The following ELOVL7 variants were observed in gnomAD, a reference collection of about 807,000 sequenced individuals.
ELOVL7 encodes very long chain fatty acid elongase 7.
In ELOVL7, 27 loss-of-function variants were observed where a neutral mutation model predicts 35.7. That is an observed-to-expected ratio of 0.76 (90% CI 0.56 to 1.04). The LOEUF (loss-of-function observed/expected upper bound fraction) is 1.04. ELOVL7 is among the 50% of genes least tolerant of loss of function. The pLI is 0.00. For synonymous variants in ELOVL7, 113 were observed against 114.6 expected (o/e 0.99, Z 0.09); for missense variants, 327 against 340.8 (o/e 0.96, Z 0.32).
chr5:60,755,866 T>C (rs1368833469), intron 8 of ELOVL7, among the ~76,000 whole-genome samples: 1 of 152,196 alleles, frequency 6.6e-6, no homozygotes, highest in Non-Finnish European at 1.5e-5. Flanking sequence ...GTGGAAATCT[T>C]AGAAAAGTAA....
chr5:60,824,479 CA>C (rs1323603483), intron 1 of ELOVL7, among the ~76,000 whole-genome samples: 2 of 151,834 alleles, frequency 1.3e-5, no homozygotes, highest in African/African-American at 2.4e-5. Flanking sequence ...GTGAGATGTT[CA>C]AAAAAGGAGA....
chr5:60,762,465 C>A (rs2112143376), intron 7 of ELOVL7, among the ~76,000 whole-genome samples: 1 of 152,096 alleles, frequency 6.6e-6, no homozygotes, highest in East Asian at 1.9e-4. Flanking sequence ...TTCTCCCATT[C>A]TTGAACTGTC....
At chr5:60,797,940 G>A (rs536624650) in intron 2 of ELOVL7, among the ~76,000 whole-genome samples, 34 of 152,212 alleles carry the variant, frequency 2.2e-4, no homozygotes, top group East Asian at 5.8e-4. Flanking sequence ...AAGGTTAATC[G>A]GAAACTCAAA....
chr5:60,806,116 C>A (rs898578412), intron 1 of ELOVL7, among the ~76,000 whole-genome samples: 9 of 152,236 alleles, frequency 5.9e-5, no homozygotes, highest in Middle Eastern at 3.4e-3. Flanking sequence ...TAGACACAGA[C>A]ATGCACACAG....
intron 6 of ELOVL7, among the ~76,000 whole-genome samples, chr5:60,766,336 C>T (rs1041911694): frequency 6.6e-6 from 1 of 152,160 alleles, no homozygotes; most frequent in East Asian, 1.9e-4. Flanking sequence ...AGCTATGTAA[C>T]AGAAACTTTA....
chr5:60,806,851 A>T (rs1194142896), intron 1 of ELOVL7, among the ~76,000 whole-genome samples: 2 of 152,228 alleles, frequency 1.3e-5, no homozygotes, highest in African/African-American at 4.8e-5. Flanking sequence ...GAGCTGCAGA[A>T]GGGAGCTTCT....
intron 1 of ELOVL7, among the ~76,000 whole-genome samples, chr5:60,837,715 G>T (rs1561478604): frequency 6.6e-6 from 1 of 152,120 alleles, no homozygotes. Flanking sequence ...GCCAAGGCAG[G>T]TGCATCACCT....
rs555276934 is a variant in ELOVL7, at chr5:60,781,929, C to T, written c.64+5405G>A. ...ACTATATGTAAAGAGCCTAAGTGCT[C>T]AATAAGCTTGCTACTGTTATTATAG... On this transcript the variant is annotated intron_variant, in intron 3 of 8. Transcript: ENST00000508821. Among the ~76,000 whole-genome samples, 16 of 152,278 alleles carry T rather than the reference C, an allele frequency of 1.1e-4. No individual in the cohort carries two copies. In the South Asian group the frequency reaches 3.1e-3, roughly 30 times the overall value.
chr5:60,795,001 G>T (rs1265589547), intron 2 of ELOVL7, among the ~76,000 whole-genome samples: 1 of 152,160 alleles, frequency 6.6e-6, no homozygotes, highest in Admixed American at 6.5e-5. Flanking sequence ...GGAGGAGAAG[G>T]GTACAGGGCA....
chr5:60,832,428 C>T (rs1039127510), intron 1 of ELOVL7, among the ~76,000 whole-genome samples: 6 of 151,814 alleles, frequency 4.0e-5, no homozygotes, highest in Non-Finnish European at 8.8e-5. Flanking sequence ...TGCAGTGGCA[C>T]CATCTTGGCT....
rs138612988 is a variant in ELOVL7 at position 60,770,794 on chromosome 5, C to T, written c.255+1109G>A. On this transcript the variant is annotated intron_variant, in intron 4 of 8. Coordinates refer to ENST00000508821, the MANE Select transcript of ELOVL7 (RefSeq NM_024930.3). The stretch of plus-strand genomic sequence containing the variant: ...CTCATTGCAGCCTTGACCTCCCAGG[C>T]TCAAGTGATCCTCTCACCTCAGCCT... Among the ~76,000 whole-genome samples, 35 of 152,310 alleles carry T rather than the reference C, an allele frequency of 2.3e-4. No homozygotes were observed. In the South Asian group the frequency reaches 4.4e-3, roughly 19 times the overall value.
At chr5:60,812,444 T>C (rs1491000603) in intron 1 of ELOVL7, among the ~76,000 whole-genome samples, 1 of 152,062 alleles carries the variant, frequency 6.6e-6, no homozygotes, top group African/African-American at 2.4e-5. Context: ...ATAACAATAG[T>C]GACAAGCCCT....
At chr5:60,770,824 A>C (rs888057880) in intron 4 of ELOVL7, among the ~76,000 whole-genome samples, 2 of 152,218 alleles carry the variant, frequency 1.3e-5, no homozygotes, top group East Asian at 3.9e-4. Flanking sequence ...CAGCCTCCCA[A>C]GCAGCTGGGA....
chr5:60,766,098 A>C (rs1257968154), intron 6 of ELOVL7, among the ~76,000 whole-genome samples: 1 of 152,214 alleles, frequency 6.6e-6, no homozygotes, highest in East Asian at 1.9e-4. Context: ...AAGCAGCTGA[A>C]TTACCGACAG....
chr5:60,842,858 A>T (rs2087412673), intron 1 of ELOVL7, among the ~76,000 whole-genome samples: 1 of 151,926 alleles, frequency 6.6e-6, no homozygotes, highest in African/African-American at 2.4e-5. Context: ...TTTACACAAG[A>T]ACTGACATCA....
chr5:60,828,034 A>T (rs903178921), intron 1 of ELOVL7, among the ~76,000 whole-genome samples: 7 of 152,038 alleles, frequency 4.6e-5, no homozygotes, highest in African/African-American at 1.5e-4. Flanking sequence ...CCTCTCCCCT[A>T]ACAGTGTGTC....
At chr5:60,831,635 A>G (rs1746484778) in intron 1 of ELOVL7, among the ~76,000 whole-genome samples, 1 of 152,228 alleles carries the variant, frequency 6.6e-6, no homozygotes, top group African/African-American at 2.4e-5. Context: ...TCAAGAACCA[A>G]TATTAATTTT....
chr5:60,825,786 T>C (rs1746135929), intron 1 of ELOVL7, among the ~76,000 whole-genome samples: 2 of 152,226 alleles, frequency 1.3e-5, no homozygotes, highest in South Asian at 2.1e-4. Flanking sequence ...GTATGGTTAA[T>C]AGTAACAGGA....
At chr5:60,820,484 G>A (rs2112351185) in intron 1 of ELOVL7, among the ~76,000 whole-genome samples, 1 of 152,332 alleles carries the variant, frequency 6.6e-6, no homozygotes, top group East Asian at 1.9e-4. Context: ...TGTTCCACAT[G>A]CCAGGCCCTG....
Sources: allele counts gnomAD v4.1 joint callset (sites outside exome capture counted in the v4.1 genomes callset), GRCh38; gene constraint gnomAD v4.1.1; transcripts MANE v1.5; gene names NCBI Gene and HGNC (gene_info 2026-07-23, HGNC 2026-07-21).